The following ZDHHC15 variants were observed in gnomAD, a reference collection of about 807,000 sequenced individuals.
ZDHHC15 encodes the protein palmitoyltransferase ZDHHC15.
In ZDHHC15, 19 loss-of-function variants were observed where a neutral mutation model predicts 31.7. That is an observed-to-expected ratio of 0.60 (90% CI 0.42 to 0.88). The LOEUF (loss-of-function observed/expected upper bound fraction) is 0.88, where lower values mean the gene tolerates loss of function less well. Ranked by LOEUF, ZDHHC15 falls within the 40% of genes least tolerant of loss-of-function variation. ZDHHC15 has a pLI of 0.00. For missense variants in ZDHHC15, 209 were observed against 251.2 expected, an observed-to-expected ratio of 0.83 and a Z score of 1.14; for synonymous variants, 103 against 90.0, an observed-to-expected ratio of 1.14 and a Z score of -0.82.
intron 2 of ZDHHC15, among the ~76,000 whole-genome samples, chrX:75,500,930 T>C (rs1334931311): frequency 2.7e-5 from 3 of 110,475 alleles, no homozygotes; most frequent in Non-Finnish European, 5.7e-5. Context: ...GTTAGTATAA[T>C]TGAGAATCTG....
intron 4 of ZDHHC15, among the ~76,000 whole-genome samples, chrX:75,444,659 TATATATATATATATATA>T (rs1569332603): frequency 1.2e-4 from 9 of 72,720 alleles, no homozygotes; most frequent in African/African-American, 5.5e-4. Context: ...TATATATATA[TATATATATATATATATA>T]TATATATATA....
At chrX:75,429,924 G>A (rs1569324527) in intron 6 of ZDHHC15, 24 bp downstream of exon 6, 2 of 1,205,612 alleles carry the variant, frequency 1.7e-6, no homozygotes, top group East Asian at 3.0e-5. Context: ...CTTTAGAGGA[G>A]AGAAATGAAT....
At chrX:75,456,961 T>A (rs1043095279) in intron 3 of ZDHHC15, among the ~76,000 whole-genome samples, 1 of 111,772 alleles carries the variant, frequency 8.9e-6, no homozygotes, top group South Asian at 3.8e-4. Flanking sequence ...ATCCAAGAAA[T>A]AGAGATAATA....
At chrX:75,495,577 C>G (rs1045543913) in intron 2 of ZDHHC15, among the ~76,000 whole-genome samples, 1 of 110,643 alleles carries the variant, frequency 9.0e-6, no homozygotes, top group Non-Finnish European at 1.9e-5. Flanking sequence ...GTGGCACATA[C>G]ACACCATGGA....
At chrX:75,451,451 T>C (rs756253115) in intron 3 of ZDHHC15, among the ~76,000 whole-genome samples, 1 of 112,655 alleles carries the variant, frequency 8.9e-6, no homozygotes, top group African/African-American at 3.2e-5. Context: ...ATATTCTCAC[T>C]ATTGAATACT....
chrX:75,465,568 C>T (rs773116396), intron 3 of ZDHHC15, among the ~76,000 whole-genome samples: 1 of 111,611 alleles, frequency 9.0e-6, no homozygotes, highest in African/African-American at 3.3e-5. Context: ...GCTACAGTAA[C>T]CAAAACAGTA....
At chrX:75,437,282 T>A (rs868281248) in intron 4 of ZDHHC15, among the ~76,000 whole-genome samples, 39 of 89,001 alleles carry the variant, frequency 4.4e-4, no homozygotes, top group Admixed American at 6.4e-4. Context: ...TTTTTTTTTT[T>A]AAATTTATTT....
intron 3 of ZDHHC15, among the ~76,000 whole-genome samples, chrX:75,474,942 C>G (rs923048739): frequency 6.5e-4 from 71 of 109,792 alleles, no homozygotes; most frequent in Non-Finnish European, 1.1e-3. Context: ...TGCCTGTGGT[C>G]CCAGCTACTC....
intron 9 of ZDHHC15, among the ~76,000 whole-genome samples, chrX:75,419,565 G>A (rs1487404041): frequency 9.0e-6 from 1 of 110,947 alleles, no homozygotes; most frequent in African/African-American, 3.3e-5. Flanking sequence ...TCTAGAACTA[G>A]AAATACCATT....
At chrX:75,437,494 T>A (rs1404634642) in intron 4 of ZDHHC15, among the ~76,000 whole-genome samples, 5 of 82,513 alleles carry the variant, frequency 6.1e-5, no homozygotes, top group Middle Eastern at 5.0e-3. Context: ...TGTCCATGTG[T>A]TCTCATTGTT....
At chrX:75,499,435 A>C (rs1283406839) in intron 2 of ZDHHC15, among the ~76,000 whole-genome samples, 1 of 111,727 alleles carries the variant, frequency 9.0e-6, no homozygotes, top group Non-Finnish European at 1.9e-5. Flanking sequence ...CATCAAGAAA[A>C]AACAAATAAT....
At chrX:75,486,460 G>T in intron 2 of ZDHHC15, among the ~76,000 whole-genome samples, 1 of 112,275 alleles carries the variant, frequency 8.9e-6, no homozygotes, top group Non-Finnish European at 1.9e-5. Flanking sequence ...CAGAAACCTG[G>T]TAGGGGGAAG....
chrX:75,413,651 C>T (rs1474906960), intron 10 of ZDHHC15, among the ~76,000 whole-genome samples: 6 of 105,644 alleles, frequency 5.7e-5, no homozygotes, highest in Admixed American at 1.0e-4. Flanking sequence ...GATGACAGAG[C>T]GAGACTCCGT....
At chrX:75,408,484 C>A (rs1394147411) in intron 10 of ZDHHC15, among the ~76,000 whole-genome samples, 1 of 111,988 alleles carries the variant, frequency 8.9e-6, no homozygotes, top group African/African-American at 3.2e-5. Flanking sequence ...GACAAACCCA[C>A]AGCTAACATA....
intron 2 of ZDHHC15, among the ~76,000 whole-genome samples, chrX:75,483,060 T>A (rs926729929): frequency 6.4e-5 from 6 of 93,462 alleles, no homozygotes; most frequent in Non-Finnish European, 1.2e-4. Context: ...TATACACATA[T>A]GTGTATATAT....
intron 3 of ZDHHC15, among the ~76,000 whole-genome samples, chrX:75,474,446 T>TACAC (rs1349577863): frequency 1.5e-5 from 1 of 66,085 alleles, no homozygotes; most frequent in South Asian, 8.0e-4. Context: ...TATATATATA[T>TACAC]ATACACACAC....
At chrX:75,482,235 C>A (rs2084700979) in intron 2 of ZDHHC15, among the ~76,000 whole-genome samples, 1 of 111,182 alleles carries the variant, frequency 9.0e-6, no homozygotes, top group Admixed American at 9.6e-5. Context: ...GCAATATACC[C>A]AGCTAACAAA....
At chrX:75,437,172 C>T (rs771807284) in intron 4 of ZDHHC15, among the ~76,000 whole-genome samples, 14 of 111,411 alleles carry the variant, frequency 1.3e-4, no homozygotes, top group South Asian at 1.1e-3. Flanking sequence ...TGAGCCACCG[C>T]GCCAAGCCCC....
At chrX:75,402,616 T>C (rs1397934389) in intron 10 of ZDHHC15, among the ~76,000 whole-genome samples, 1 of 111,619 alleles carries the variant, frequency 9.0e-6, no homozygotes, top group Non-Finnish European at 1.9e-5. Context: ...AACACCTGTA[T>C]GCACACAAAC....
Sources: gnomAD v4.1 joint callset for allele counts (sites outside exome capture counted in the v4.1 genomes callset) on GRCh38, gnomAD v4.1.1 for gene constraint, MANE v1.5 for transcripts, NCBI Gene and HGNC (gene_info 2026-07-23, HGNC 2026-07-21) for gene names.